Variants in OTUD4 observed in about 807,000 individuals in gnomAD.
OTUD4 encodes OTU deubiquitinase 4, also known as OTU domain-containing protein 4.
A neutral mutation model predicts 130.4 loss-of-function variants in OTUD4; 24 were observed. That is an observed-to-expected ratio of 0.18 (90% CI 0.13 to 0.26). The LOEUF is 0.26. Ranked by LOEUF, OTUD4 falls within the 10% of genes least tolerant of loss-of-function variation. The pLI is 1.00. For synonymous variants in OTUD4, 420 were observed against 472.5 expected (o/e 0.89, Z 1.44); for missense variants, 1,031 against 1,329.4 (o/e 0.78, Z 3.49).
chr4:145,137,994 A>G lies in OTUD4; in HGVS notation c.2781T>C (p.Ser927=), dbSNP rs191435305. Residue 927 remains serine (S), a synonymous_variant, in exon 21 of 21, where the codon AGT becomes AGC. Transcript: ENST00000447906. ...GGCCTTCGTCCGGCTTACTGCTCAC[A>G]CTTGCTTCAGGGAGAGAATGTACAT... The part of the protein sequence containing the change: ...GEHVHSLPEA[S]VSSKPDEGRT... 3 of 1,614,124 alleles carry G rather than the reference A, an allele frequency of 1.9e-6. No homozygotes were observed. The highest frequency in any genetic ancestry group is 2.5e-6 in the Non-Finnish European group (3 of 1,180,030).
intron 5 of OTUD4, 109 bp from the exon 6 acceptor site, chr4:145,162,830 A>T: frequency 1.8e-6 from 1 of 547,196 alleles, no homozygotes; most frequent in East Asian, 3.3e-5. Context: ...CCAAACAGAC[A>T]GTGAGTATTT....
In OTUD4 at chr4:145,134,975, A is replaced by C. The variant is rs918608402; in HGVS notation, c.*2455T>G. 2.5e-6 allele frequency: 1 copy of C among 397,764 alleles called. No homozygotes were observed. Among genetic ancestry groups the C allele is most frequent in the Non-Finnish European group, 4.4e-6 (1 of 225,642 alleles). 24.6% of individuals were successfully genotyped at this position (397,764 alleles called of 1,614,324 possible). ...TTCTCTTATAAAGAAATATGTCAAC[A>C]TAACAGTATGACATAACAGTTAAAA... On this transcript the variant is annotated 3_prime_UTR_variant, in exon 21 of 21. Transcript: ENST00000447906.
intron 1 of OTUD4, chr4:145,179,551 G>A (rs1752588187): frequency 5.0e-6 from 6 of 1,201,548 alleles, no homozygotes; most frequent in Non-Finnish European, 6.4e-6. Flanking sequence ...CTCCGAGCAG[G>A]CCTCACAAGT....
rs1750151433 is a variant in OTUD4 at position 145,134,651 on chromosome 4, G to A, written c.*2779C>T. The A allele has an allele frequency of 2.5e-6, 1 of 398,714 alleles. No homozygotes were observed. Among genetic ancestry groups the A allele is most frequent in the African/African-American group, 2.1e-5 (1 of 48,726 alleles). 24.7% of individuals were successfully genotyped at this position (398,714 alleles called of 1,614,324 possible). A position where few individuals can be genotyped will look rare whatever the true frequency, so the allele number is the denominator to read the frequency against. ...CAAGGCAGGGTCTGAGCTTAGGTCT[G>A]CCATGAAAATGAATTTGTGGGTTAT... On this transcript the variant is annotated 3_prime_UTR_variant, in exon 21 of 21. Transcript: ENST00000447906.
In OTUD4 at chr4:145,159,591, C is replaced by T. The variant is rs906032953; in HGVS notation, c.541G>A (p.Val181Ile). ...LLYEKVFKTDVSKIVMELDTL... is the reference protein window; with the variant it reads ...LLYEKVFKTDISKIVMELDTL... Reference sequence around the variant, plus strand: ...TCTAGTTCCATCACAATTTTACTAACATCAGTTTTAAATACCTTCTCATAC... The same window carrying T: ...TCTAGTTCCATCACAATTTTACTAATATCAGTTTTAAATACCTTCTCATAC... Residue 181 changes from valine (V) to isoleucine (I), a missense_variant, in exon 7 of 21, where the codon GTT becomes ATT. Physicochemically the swap from Val to Ile is conservative, Grantham distance 29 (BLOSUM62 3). Coordinates refer to ENST00000447906, the MANE Select transcript of OTUD4 (RefSeq NM_001366057.1). 4 of 1,613,140 alleles carry T rather than the reference C, an allele frequency of 2.5e-6. No homozygotes were observed. Among genetic ancestry groups the T allele is most frequent in the Admixed American group, 3.3e-5 (2 of 60,000 alleles).
intron 2 of OTUD4, among the ~76,000 whole-genome samples, chr4:145,171,966 A>T (rs1752191349): frequency 6.6e-6 from 1 of 152,242 alleles, no homozygotes; most frequent in South Asian, 2.1e-4. Flanking sequence ...AAGAAGAGTG[A>T]CTCAAGATGA....
chr4:145,159,227 T>A (rs189995344), intron 7 of OTUD4: 1 of 1,219,670 alleles, frequency 8.2e-7, no homozygotes, highest in Admixed American at 4.4e-5. Context: ...CACACACATA[T>A]AGGTAGGACC....
Position 145,180,385 on chromosome 4 carries a change from G to C in OTUD4, c.-412C>G, listed in dbSNP as rs1414042376. The stretch of plus-strand genomic sequence containing the variant: ...CCGCCCCTGGCGCGCACGCTGGGCC[G>C]GCTCAGGTGAAGCGGGGCCTGCGCC... On this transcript the variant is annotated 5_prime_UTR_variant, in exon 1 of 21. Coordinates refer to ENST00000447906, the MANE Select transcript of OTUD4 (RefSeq NM_001366057.1). Among the ~76,000 whole-genome samples, 2 of 152,202 alleles carry C rather than the reference G, an allele frequency of 1.3e-5. No homozygotes were observed. The highest frequency in any genetic ancestry group is 2.9e-5 in the Non-Finnish European group (2 of 68,020).
In OTUD4 at chr4:145,135,162, G is replaced by T. The variant is rs1213942202; in HGVS notation, c.*2268C>A. ...AAAAGTCAGTTCTTTTATTCCAGAG[G>T]TCACTGAGAAAAGTACCATCTGCTA... On this transcript the variant is annotated 3_prime_UTR_variant, in exon 21 of 21. Transcript: ENST00000447906. 10 of 260,948 alleles carry T rather than the reference G, an allele frequency of 3.8e-5. No individual in the cohort carries two copies. The highest frequency in any genetic ancestry group is 7.1e-5 in the Non-Finnish European group (10 of 140,218). The allele number at this position is 260,948 out of a possible 1,614,324, so 16.2% of individuals were successfully genotyped here. A position where few individuals can be genotyped will look rare whatever the true frequency, so the allele number is the denominator to read the frequency against.
intron 7 of OTUD4, among the ~76,000 whole-genome samples, chr4:145,158,919 G>A (rs913787057): frequency 6.6e-6 from 1 of 152,198 alleles, no homozygotes; most frequent in African/African-American, 2.4e-5. Context: ...CAAGTTAGCA[G>A]GAAGCCATGA....
intron 7 of OTUD4, among the ~76,000 whole-genome samples, chr4:145,157,287 A>T (rs961261665): frequency 6.6e-6 from 1 of 152,216 alleles, no homozygotes; most frequent in African/African-American, 2.4e-5. Context: ...CTCATCTTGA[A>T]TTGTAATACT....
chr4:145,152,660 AGG>A (rs1365582728), intron 10 of OTUD4, 25 bp from the exon 11 acceptor site: 1 of 1,355,218 alleles, frequency 7.4e-7, no homozygotes, highest in Admixed American at 1.9e-5. Context: ...AAAAATGAAA[AGG>A]AAAAAAAAAA....
At chr4:145,152,672 A>T in intron 10 of OTUD4, 37 bp from the exon 11 acceptor site, 1 of 1,149,548 alleles carries the variant, frequency 8.7e-7, no homozygotes, top group Non-Finnish European at 1.3e-6. Flanking sequence ...GAAAAAAAAA[A>T]TCAGTCACCT....
At position 145,153,021 on chromosome 4, in the gene OTUD4, C is replaced by T. The variant is rs892711587; in HGVS notation, c.874-386G>A. ...AAGTGCTGGGATTACAGGCGTGAGCCACCACACCCAGCTTTTAAAATTTAG... is the reference window on the plus strand; with the variant it reads ...AAGTGCTGGGATTACAGGCGTGAGCTACCACACCCAGCTTTTAAAATTTAG... On this transcript the variant is annotated intron_variant, in intron 10 of 20. Coordinates refer to ENST00000447906, the MANE Select transcript of OTUD4 (RefSeq NM_001366057.1). Among the ~76,000 whole-genome samples, 30 of 152,162 alleles carry T rather than the reference C, an allele frequency of 2.0e-4. 1 individual carries two copies. The highest frequency in any genetic ancestry group is 7.2e-4 in the African/African-American group (30 of 41,408).
At position 145,159,158 on chromosome 4, in the gene OTUD4, T is replaced by C. The variant is rs544851908; in HGVS notation, c.629+345A>G. ...AAAGTGAAGGAAATCCAAACGGCCA[T>C]TTTATTTCATTACTGGGTATGTGAA... On this transcript the variant is annotated intron_variant, in intron 7 of 20. Transcript: ENST00000447906. The C allele has an allele frequency of 2.9e-6, 3 of 1,043,760 alleles. No individual in the cohort carries two copies. The African/African-American group carries it at 5.2e-5, about 18-fold the overall frequency. The allele number at this position is 1,043,760 out of a possible 1,614,324, so 64.7% of individuals were successfully genotyped here.
chr4:145,146,391 G>A lies in OTUD4; in HGVS notation c.1298C>T (p.Thr433Ile). ...DRERVEDFDH[T>I]SRESNYFGLS... is the part of the protein sequence containing the mutation. ...GCCGAAATAGTTAGATTCTCGACTT[G>A]TGTGATCAAAATCCTCAACTCTTTC... Residue 433 changes from threonine (T) to isoleucine (I), a missense_variant, in exon 14 of 21, where the codon ACA (threonine) becomes ATA (isoleucine). Transcript: ENST00000447906. 6.3e-7 allele frequency: 1 copy of A among 1,578,930 alleles called. No homozygotes were observed. Among genetic ancestry groups the A allele is most frequent in the African/African-American group, 1.4e-5 (1 of 73,104 alleles).
chr4:145,161,088 CGA>C (rs1465641977), intron 6 of OTUD4, among the ~76,000 whole-genome samples: 2 of 151,376 alleles, frequency 1.3e-5, no homozygotes, highest in Non-Finnish European at 2.9e-5. Context: ...CCAGCCTAGG[CGA>C]GAGAGCAACA....
Position 145,134,358 on chromosome 4 carries a change from C to A in OTUD4, c.*3072G>T, listed in dbSNP as rs1750137117. 1 of 205,926 alleles carries A rather than the reference C, an allele frequency of 4.9e-6. No individual in the cohort carries two copies. Among genetic ancestry groups the A allele is most frequent in the South Asian group, 1.9e-4 (1 of 5,276 alleles). 12.8% of individuals were successfully genotyped at this position (205,926 alleles called of 1,614,324 possible). A position where few individuals can be genotyped will look rare whatever the true frequency, so the allele number is the denominator to read the frequency against. ...TTGCTTAGTACCCTTAAGTAAAAGACAAAACATTTACCTCATCTAAAAATG... is the reference window on the plus strand; with the variant it reads ...TTGCTTAGTACCCTTAAGTAAAAGAAAAAACATTTACCTCATCTAAAAATG... On this transcript the variant is annotated 3_prime_UTR_variant, in exon 21 of 21. Coordinates refer to ENST00000447906, the MANE Select transcript of OTUD4 (RefSeq NM_001366057.1).
rs1752637478 is a variant in OTUD4, at chr4:145,180,388, T to C, written c.-415A>G. On this transcript the variant is annotated 5_prime_UTR_variant, in exon 1 of 21. Coordinates refer to ENST00000447906, the MANE Select transcript of OTUD4 (RefSeq NM_001366057.1). ...CCCCTGGCGCGCACGCTGGGCCGGC[T>C]CAGGTGAAGCGGGGCCTGCGCCCCC... 6.6e-6 allele frequency among the ~76,000 whole-genome samples: 1 copy of C among 151,978 alleles called. No homozygotes were observed. The highest frequency in any genetic ancestry group is 1.5e-5 in the Non-Finnish European group (1 of 67,954).
Sources: allele counts gnomAD v4.1 joint callset (sites outside exome capture counted in the v4.1 genomes callset), GRCh38; gene constraint gnomAD v4.1.1; transcripts MANE v1.5; gene names NCBI Gene and HGNC (gene_info 2026-07-23, HGNC 2026-07-21).